The following RNF220 variants were observed in gnomAD, a reference collection of about 807,000 sequenced individuals.
RNF220 encodes the protein ring finger protein 220.
Under a neutral mutation model 67.1 loss-of-function variants are expected in RNF220, and 7 were observed. The ratio of observed to expected loss-of-function variants is 0.10; its 90% CI spans 0.06 to 0.20. The LOEUF (loss-of-function observed/expected upper bound fraction) is 0.20, where lower values mean the gene tolerates loss of function less well. Ranked by LOEUF, RNF220 falls within the 10% of genes least tolerant of loss-of-function variation. The pLI is 1.00. For missense variants in RNF220, 565 were observed against 740.3 expected (o/e 0.76, Z 2.75); for synonymous variants, 270 against 283.2 (o/e 0.95, Z 0.47).
chr1:44,573,825 T>C (rs1293228133), intron 2 of RNF220, among the ~76,000 whole-genome samples: 1 of 152,218 alleles, frequency 6.6e-6, no homozygotes, highest in Non-Finnish European at 1.5e-5. Context: ...CATACTGTAA[T>C]ATTCAGGGCT....
At chr1:44,626,655 T>G in intron 5 of RNF220, 1 of 504,384 alleles carries the variant, frequency 2.0e-6, no homozygotes, top group Non-Finnish European at 3.6e-6. Context: ...CTCTGAATCA[T>G]TCTATCCATC....
At chr1:44,454,604 G>T (rs1012810043) in intron 2 of RNF220, among the ~76,000 whole-genome samples, 4 of 146,790 alleles carry the variant, frequency 2.7e-5, no homozygotes, top group East Asian at 4.0e-4. Flanking sequence ...CAAGTTTATT[G>T]TTTTTTTGTT....
At chr1:44,413,852 C>G (rs1202450836) in intron 2 of RNF220, among the ~76,000 whole-genome samples, 1 of 152,198 alleles carries the variant, frequency 6.6e-6, no homozygotes, top group Non-Finnish European at 1.5e-5. Context: ...GCAGCTCTCT[C>G]CCCTGTCGCC....
At chr1:44,505,948 C>G (rs1388326490) in intron 2 of RNF220, among the ~76,000 whole-genome samples, 1 of 152,074 alleles carries the variant, frequency 6.6e-6, no homozygotes, top group East Asian at 1.9e-4. Context: ...GAATCATTCT[C>G]CCCCATCCTT....
chr1:44,569,080 G>A (rs1392143167), intron 2 of RNF220, among the ~76,000 whole-genome samples: 2 of 152,154 alleles, frequency 1.3e-5, no homozygotes, highest in African/African-American at 4.8e-5. Flanking sequence ...GAAAACTGAT[G>A]AAGAACAAAC....
chr1:44,460,922 C>T (rs982835925), intron 2 of RNF220, among the ~76,000 whole-genome samples: 4 of 152,162 alleles, frequency 2.6e-5, no homozygotes, highest in African/African-American at 4.8e-5. Context: ...TGAGGGACTC[C>T]TTGCATTCCT....
At chr1:44,439,179 G>C (rs576513157) in intron 2 of RNF220, among the ~76,000 whole-genome samples, 15 of 152,238 alleles carry the variant, frequency 9.9e-5, no homozygotes, top group African/African-American at 3.6e-4. Context: ...GCCGCTTGCC[G>C]GATTACCTTT....
chr1:44,415,700 G>A (rs1378148086), intron 2 of RNF220, among the ~76,000 whole-genome samples: 1 of 152,120 alleles, frequency 6.6e-6, no homozygotes, highest in Non-Finnish European at 1.5e-5. Context: ...TTTTGTTGGT[G>A]GGTGGGGGTG....
At chr1:44,531,867 A>C (rs1235920473) in intron 2 of RNF220, among the ~76,000 whole-genome samples, 1 of 152,230 alleles carries the variant, frequency 6.6e-6, no homozygotes, top group Non-Finnish European at 1.5e-5. Flanking sequence ...AAATGAGCCT[A>C]AACTAGCTTT....
chr1:44,448,353 T>C (rs1174776790), intron 2 of RNF220, among the ~76,000 whole-genome samples: 1 of 152,180 alleles, frequency 6.6e-6, no homozygotes, highest in Non-Finnish European at 1.5e-5. Flanking sequence ...CAGACTTAGA[T>C]GCATGTGCCT....
chr1:44,523,686 T>C (rs1660116882), intron 2 of RNF220, among the ~76,000 whole-genome samples: 1 of 152,036 alleles, frequency 6.6e-6, no homozygotes, highest in Non-Finnish European at 1.5e-5. Context: ...CGCATGGTGT[T>C]AGGGAGAGGT....
At chr1:44,632,599 C>T in intron 6 of RNF220, 1 of 606,086 alleles carries the variant, frequency 1.6e-6, no homozygotes, top group Non-Finnish European at 2.9e-6. Flanking sequence ...TTGCCCAAAC[C>T]TCTCTAAAGG....
chr1:44,481,565 A>C (rs1485929772), intron 2 of RNF220, among the ~76,000 whole-genome samples: 1 of 152,176 alleles, frequency 6.6e-6, no homozygotes, highest in Non-Finnish European at 1.5e-5. Context: ...GGGGGTACTT[A>C]GAGGATGGGT....
intron 2 of RNF220, among the ~76,000 whole-genome samples, chr1:44,581,392 G>C (rs1665267830): frequency 6.6e-6 from 1 of 152,190 alleles, no homozygotes. Flanking sequence ...GAGCCTACAG[G>C]GACCCTCCCT....
intron 2 of RNF220, among the ~76,000 whole-genome samples, chr1:44,500,649 C>T (rs143235253): frequency 2.4e-4 from 36 of 152,324 alleles, no homozygotes; most frequent in Non-Finnish European, 2.6e-4. Context: ...TCCTCCCCAG[C>T]GGCTGCAGCT....
At chr1:44,523,299 C>G (rs1362818967) in intron 2 of RNF220, among the ~76,000 whole-genome samples, 1 of 152,172 alleles carries the variant, frequency 6.6e-6, no homozygotes, top group Non-Finnish European at 1.5e-5. Context: ...TCCAGGCTGC[C>G]CCGGGGAAGG....
rs116586148 is a variant in RNF220 at position 44,578,789 on chromosome 1, G to A, written c.626-35376G>A. 3.7e-3 allele frequency among the ~76,000 whole-genome samples: 561 copies of A among 152,310 alleles called. 6 individuals are homozygous for A. Among genetic ancestry groups the A allele is most frequent in the African/African-American group, 0.013 (524 of 41,564 alleles). On this transcript the variant is annotated intron_variant, in intron 2 of 14. Coordinates refer to ENST00000361799, the MANE Select transcript of RNF220 (RefSeq NM_018150.4). ...CTTGATCTTCACAAATATCCTGAGAGTGGGATAATAACAGTAGCTAATATT... is the reference window on the plus strand; with the variant it reads ...CTTGATCTTCACAAATATCCTGAGAATGGGATAATAACAGTAGCTAATATT...
chr1:44,459,619 A>G (rs568004301), intron 2 of RNF220, among the ~76,000 whole-genome samples: 49 of 152,324 alleles, frequency 3.2e-4, no homozygotes, highest in African/African-American at 1.2e-3. Context: ...GATCCTGTGC[A>G]GGTGGACCAC....
At chr1:44,525,389 G>A (rs1022518145) in intron 2 of RNF220, among the ~76,000 whole-genome samples, 4 of 152,130 alleles carry the variant, frequency 2.6e-5, no homozygotes, top group Admixed American at 6.5e-5. Flanking sequence ...CTCAGCAGAC[G>A]CATCTCATCA....
Sources: gnomAD v4.1 joint callset for allele counts (sites outside exome capture counted in the v4.1 genomes callset) on GRCh38, gnomAD v4.1.1 for gene constraint, MANE v1.5 for transcripts, NCBI Gene and HGNC (gene_info 2026-07-23, HGNC 2026-07-21) for gene names.